MPHOSPH9: variants seen among roughly 807,000 people sequenced by gnomAD.
MPHOSPH9 encodes M-phase phosphoprotein 9.
In MPHOSPH9, 88 loss-of-function variants were observed where a neutral mutation model predicts 145.5. The observed-to-expected ratio is 0.60, with a 90% CI of 0.51 to 0.72. The LOEUF is 0.72. Ranked by LOEUF, MPHOSPH9 falls within the 30% of genes least tolerant of loss-of-function variation. The pLI, the probability that MPHOSPH9 is intolerant of heterozygous loss-of-function variation, is 0.00. For synonymous variants in MPHOSPH9, 435 were observed against 486.2 expected, an observed-to-expected ratio of 0.89 and a Z score of 1.39; for missense variants, 1,238 against 1,386.6, an observed-to-expected ratio of 0.89 and a Z score of 1.70.
chr12:123,221,166 A>T (rs1235814550), intron 5 of MPHOSPH9, among the ~76,000 whole-genome samples: 12 of 152,216 alleles, frequency 7.9e-5, no homozygotes, highest in Non-Finnish European at 1.8e-4. Context: ...AAAGCTTCCG[A>T]CCTTAAGAGT....
chr12:123,160,820 A>G lies in MPHOSPH9; in HGVS notation c.3411T>C (p.Ser1137=). The change falls in exon 23 of 24, where the codon TCT becomes TCC. Residue 1137 remains serine, a synonymous_variant. Coordinates refer to ENST00000606320, the MANE Select transcript of MPHOSPH9 (RefSeq NM_022782.4). ...TCTGTAAAGTGATTCGTCCTCCAGG[A>G]GAAGGCATCCTGCTTAGTGCTGCCT... The part of the protein sequence containing the change: ...QIEAALSRMP[S]PGGRITLQTR... 1 of 1,614,058 alleles carries G rather than the reference A, an allele frequency of 6.2e-7. No individual in the cohort carries two copies.
At chr12:123,231,847 A>T (rs2047649535) in intron 1 of MPHOSPH9, among the ~76,000 whole-genome samples, 1 of 151,288 alleles carries the variant, frequency 6.6e-6, no homozygotes, top group South Asian at 2.1e-4. Context: ...AGAGCAAGGG[A>T]GCAAGAGGAA....
At chr12:123,228,276 A>C (rs1593250809) in intron 2 of MPHOSPH9, among the ~76,000 whole-genome samples, 1 of 152,350 alleles carries the variant, frequency 6.6e-6, no homozygotes, top group Non-Finnish European at 1.5e-5. Context: ...CTAGTCACCA[A>C]AAGATCATTT....
Position 123,223,101 on chromosome 12 carries a change from C to A in MPHOSPH9, c.285G>T (p.Leu95Phe), listed in dbSNP as rs1270012692. The A allele has an allele frequency of 2.0e-6, 3 of 1,471,726 alleles. No individual in the cohort carries two copies. The allele number at this position is 1,471,726 out of a possible 1,614,324, so 91.2% of individuals were successfully genotyped here. A position where few individuals can be genotyped will look rare whatever the true frequency, so the allele number is the denominator to read the frequency against. Reference protein sequence around the residue: ...CETRWLQLFNLVEKQCQEQIV... With the variant: ...CETRWLQLFNFVEKQCQEQIV... The stretch of plus-strand genomic sequence containing the variant: ...TCTGTTCTTGGCATTGTTTTTCCAC[C>A]AAATTGAATAGCTGTAACCACCTGG... The change falls in exon 4 of 24, where the codon TTG (leucine) becomes TTT (phenylalanine). Residue 95 changes from leucine (L) to phenylalanine (F), a missense_variant. Physicochemically the swap from Leu to Phe is conservative, Grantham distance 22. Coordinates refer to ENST00000606320, the MANE Select transcript of MPHOSPH9 (RefSeq NM_022782.4).
At chr12:123,241,157 T>G (rs1181640920) in intron 1 of MPHOSPH9, among the ~76,000 whole-genome samples, 79 of 138,818 alleles carry the variant, frequency 5.7e-4, no homozygotes, top group South Asian at 1.7e-3. Flanking sequence ...TTTTTGTTTT[T>G]GTTTTTTTTT....
Position 123,156,069 on chromosome 12 carries a change from T to G in MPHOSPH9, c.*738A>C, listed in dbSNP as rs1451749160. On this transcript the variant is annotated 3_prime_UTR_variant, in exon 24 of 24. Coordinates refer to ENST00000606320, the MANE Select transcript of MPHOSPH9 (RefSeq NM_022782.4). ...TTATCTGTCCATTTATTGTCCAGGG[T>G]GGGACACAAGTTAATTCAGAACAAT... The G allele has an allele frequency of 6.6e-6, 1 of 152,130 alleles. No homozygotes were observed. Among genetic ancestry groups the G allele is most frequent in the Admixed American group, 6.5e-5 (1 of 15,280 alleles). The allele number at this position is 152,130 out of a possible 1,614,324, so 9.4% of individuals were successfully genotyped here.
intron 6 of MPHOSPH9, among the ~76,000 whole-genome samples, chr12:123,216,027 G>A (rs1212094839): frequency 2.6e-5 from 4 of 152,094 alleles, no homozygotes; most frequent in Non-Finnish European, 4.4e-5. Context: ...CACGAGGTCA[G>A]GAGATTGGGA....
At chr12:123,241,356 A>T (rs544335337) in intron 1 of MPHOSPH9, among the ~76,000 whole-genome samples, 37 of 151,788 alleles carry the variant, frequency 2.4e-4, no homozygotes, top group Non-Finnish European at 5.2e-4. Context: ...TTTGAGACAG[A>T]GTCTCGCTCC....
At chr12:123,221,051 T>C (rs1029423843) in intron 5 of MPHOSPH9, among the ~76,000 whole-genome samples, 3 of 152,148 alleles carry the variant, frequency 2.0e-5, no homozygotes, top group Non-Finnish European at 2.9e-5. Context: ...CGAGACTCCG[T>C]CTCAAAAAAC....
rs774004386 is a variant in MPHOSPH9 at position 123,202,783 on chromosome 12, G to T, written c.1622C>A (p.Thr541Asn). 6.2e-7 allele frequency: 1 copy of T among 1,613,996 alleles called. No homozygotes were observed. The highest frequency in any genetic ancestry group is 1.7e-5 in the Admixed American group (1 of 59,996). ...GACCGAGATATCATTACTAGTAATG[G>T]TATATACTGACGGAAACGTGGAACT... ...RTSSTFPSVY[T>N]ITSNDISVNT... Residue 541 changes from threonine to asparagine, a missense_variant, in exon 10 of 24, where the codon ACC (threonine) becomes AAC (asparagine). Transcript: ENST00000606320.
At chr12:123,194,939 G>GA (rs992762398) in intron 12 of MPHOSPH9, among the ~76,000 whole-genome samples, 11 of 148,068 alleles carry the variant, frequency 7.4e-5, no homozygotes, top group Middle Eastern at 3.5e-3. Flanking sequence ...TATTTTAAAT[G>GA]AAAAAAAAAG....
chr12:123,202,567 C>T (rs2046266911), intron 10 of MPHOSPH9, 57 bp downstream of exon 10: 4 of 1,477,126 alleles, frequency 2.7e-6, no homozygotes, highest in Non-Finnish European at 3.7e-6. Context: ...AGATCATTTT[C>T]AATCAGATAT....
intron 12 of MPHOSPH9, among the ~76,000 whole-genome samples, chr12:123,197,744 T>C (rs575424078): frequency 9.7e-5 from 14 of 144,434 alleles, no homozygotes; most frequent in African/African-American, 3.6e-4. Flanking sequence ...ATCGCGCAAC[T>C]GCACTACAGC....
chr12:123,165,403 T>C lies in MPHOSPH9; in HGVS notation c.2666A>G (p.Glu889Gly), dbSNP rs2044274412. 3 of 1,613,990 alleles carry C rather than the reference T, an allele frequency of 1.9e-6. No homozygotes were observed. Among genetic ancestry groups the C allele is most frequent in the Non-Finnish European group, 2.5e-6 (3 of 1,179,948 alleles). Residue 889 changes from glutamate to glycine, a missense_variant, in exon 18 of 24, where the codon GAG becomes GGG. This residue lies in a region of MPHOSPH9 where 393 missense variants were observed against 462.5 expected (regional missense o/e 0.85). Transcript: ENST00000606320. ...STSLLIKKQR[E>G]TSDTPIMRAL... ...TCTCATGATCGGCGTGTCTGAAGTC[T>C]CTCTTTGCTTTTTTATCAACAAGCT...
At chr12:123,210,693 CA>C (rs1001940827) in intron 7 of MPHOSPH9, among the ~76,000 whole-genome samples, 4 of 148,196 alleles carry the variant, frequency 2.7e-5, no homozygotes, top group Middle Eastern at 3.2e-3. Context: ...GACAGAGTCT[CA>C]AAAAAAAATT....
At chr12:123,154,021 ACTTT>A (rs2043816544), downstream of MPHOSPH9, among the ~76,000 whole-genome samples, 1 of 152,110 alleles carries the variant, frequency 6.6e-6, no homozygotes, top group Non-Finnish European at 1.5e-5. Flanking sequence ...TAGCACGGCC[ACTTT>A]AGCTACATCT....
rs2044012215 is a variant in MPHOSPH9 at position 123,159,429 on chromosome 12, C to T, written c.3450+1352G>A. 6.6e-6 allele frequency among the ~76,000 whole-genome samples: 1 copy of T among 152,084 alleles called. No individual in the cohort carries two copies. Among genetic ancestry groups the T allele is most frequent in the Admixed American group, 6.5e-5 (1 of 15,268 alleles). ...CCGCCCACCTCGGCCTCCCAAAGTG[C>T]TGGGATTACAGGCATAAGCCATTGC... On this transcript the variant is annotated intron_variant, in intron 23 of 23. Transcript: ENST00000606320. The surrounding 1 kb of genome is among the most constrained non-coding windows in gnomAD (Gnocchi z 4.3).
chr12:123,185,498 C>G (rs1281143780), intron 13 of MPHOSPH9, among the ~76,000 whole-genome samples: 1 of 152,092 alleles, frequency 6.6e-6, no homozygotes, highest in Non-Finnish European at 1.5e-5. Flanking sequence ...AATCCCAGCA[C>G]TTTGGGAGGC....
chr12:123,219,867 T>C (rs1298190144), intron 5 of MPHOSPH9, among the ~76,000 whole-genome samples: 3 of 152,084 alleles, frequency 2.0e-5, no homozygotes, highest in African/African-American at 7.2e-5. Context: ...TCACTAAATT[T>C]ATAAAAATTC....
Sources: gnomAD v4.1 joint callset for allele counts (sites outside exome capture counted in the v4.1 genomes callset) on GRCh38, gnomAD v4.1.1 for gene constraint, gnomAD v4.1.1 regional missense constraint, Gnocchi (gnomAD v3.1) non-coding constraint, MANE v1.5 for transcripts, NCBI Gene and HGNC (gene_info 2026-07-23, HGNC 2026-07-21) for gene names.